PTPRD: variants seen among roughly 807,000 people sequenced by gnomAD.
PTPRD encodes the protein protein tyrosine phosphatase receptor type D, also known as receptor-type tyrosine-protein phosphatase delta.
Under a neutral mutation model 214.5 loss-of-function variants are expected in PTPRD, and 34 were observed. The observed-to-expected ratio is 0.16, with a 90% CI of 0.12 to 0.21. PTPRD has a LOEUF of 0.21. Ranked by LOEUF, PTPRD falls within the 10% of genes least tolerant of loss-of-function variation. The probability of loss-of-function intolerance (pLI) is 1.00; values close to 1 mark genes in which losing one functional copy is unlikely to be tolerated. For synonymous variants in PTPRD, 1,128 were observed against 845.7 expected (o/e 1.33, Z -5.79); for missense variants, 2,545 against 2,398.7 (o/e 1.06, Z -1.27).
chr9:9,235,892 A>C (rs183831897), intron 9 of PTPRD, among the ~76,000 whole-genome samples: 1 of 152,148 alleles, frequency 6.6e-6, no homozygotes, highest in Non-Finnish European at 1.5e-5. Context: ...GATATTCTAA[A>C]CATGGAAAGT....
At chr9:10,566,690 C>T (rs561238642) in intron 2 of PTPRD, among the ~76,000 whole-genome samples, 3 of 152,058 alleles carry the variant, frequency 2.0e-5, no homozygotes, top group African/African-American at 4.8e-5. Flanking sequence ...AGTTTTAATG[C>T]AACTGAAGTC....
chr9:9,747,532 C>CT (rs1564945514), intron 6 of PTPRD, among the ~76,000 whole-genome samples: 1 of 104,576 alleles, frequency 9.6e-6, no homozygotes. Flanking sequence ...GTGACTGAAT[C>CT]TTTTTTGTTT....
At position 8,376,576 on chromosome 9, in the gene PTPRD, G is replaced by A. The variant is rs141471413; in HGVS notation, c.4506+31C>T. 1.5e-5 allele frequency: 24 copies of A among 1,611,820 alleles called. No individual in the cohort carries two copies. In the African/African-American group the frequency reaches 3.1e-4, roughly 21 times the overall value. On this transcript the variant is annotated intron_variant, in intron 38 of 45. Transcript: ENST00000381196. ...AGCTTTCTTTAAACAATAGAGAAGG[G>A]AAAGGGAGGAGAAAAAGATGAAAAG...
intron 43 of PTPRD, among the ~76,000 whole-genome samples, chr9:8,332,399 C>CA (rs1207491428): frequency 5.3e-5 from 8 of 152,230 alleles, no homozygotes; most frequent in African/African-American, 1.9e-4. Context: ...TATGACTGTG[C>CA]TGTTAAGTGG....
At chr9:9,907,524 G>C (rs1198333664) in intron 5 of PTPRD, among the ~76,000 whole-genome samples, 1 of 151,888 alleles carries the variant, frequency 6.6e-6, no homozygotes, top group African/African-American at 2.4e-5. Flanking sequence ...ACATATCACT[G>C]ATGTCTATTC....
At chr9:9,606,674 T>C (rs999198234) in intron 7 of PTPRD, among the ~76,000 whole-genome samples, 6 of 152,000 alleles carry the variant, frequency 3.9e-5, no homozygotes, top group African/African-American at 1.4e-4. Context: ...CCCTTTATTA[T>C]GTATTTATAC....
intron 9 of PTPRD, among the ~76,000 whole-genome samples, chr9:9,228,473 T>C (rs2099960973): frequency 6.6e-6 from 1 of 152,136 alleles, no homozygotes; most frequent in Non-Finnish European, 1.5e-5. Flanking sequence ...TATATGTTGA[T>C]ATATACAGTA....
intron 2 of PTPRD, among the ~76,000 whole-genome samples, chr9:10,552,795 C>G (rs1283068264): frequency 2.6e-5 from 4 of 152,100 alleles, no homozygotes; most frequent in Non-Finnish European, 5.9e-5. Context: ...ATTGGATAAG[C>G]AACAGGATCT....
chr9:8,317,575 T>A lies in PTPRD; in HGVS notation c.*299A>T. ...AAGCAATCCTGAATAAGATGGTGGT[T>A]CTTTGCTGTGATTTCTTCTTCCCTT... On this transcript the variant is annotated 3_prime_UTR_variant, in exon 46 of 46. Transcript: ENST00000381196. The A allele has an allele frequency of 3.1e-6, 1 of 322,346 alleles. No homozygotes were observed. Among genetic ancestry groups the A allele is most frequent in the Non-Finnish European group, 5.9e-6 (1 of 168,478 alleles). 20.0% of individuals were successfully genotyped at this position (322,346 alleles called of 1,614,324 possible). A position where few individuals can be genotyped will look rare whatever the true frequency, so the allele number is the denominator to read the frequency against.
At chr9:10,450,920 C>T (rs942901335) in intron 2 of PTPRD, among the ~76,000 whole-genome samples, 2 of 151,892 alleles carry the variant, frequency 1.3e-5, no homozygotes, top group African/African-American at 2.4e-5. Context: ...ATTCTTAACA[C>T]ATTTGATTTA....
At chr9:8,924,095 C>A (rs1327219813) in intron 11 of PTPRD, among the ~76,000 whole-genome samples, 1 of 140,028 alleles carries the variant, frequency 7.1e-6, no homozygotes, top group Non-Finnish European at 1.5e-5. Flanking sequence ...TATTTGTCTT[C>A]ATAAGGCGCA....
chr9:9,890,430 C>G (rs1198289369), intron 5 of PTPRD, among the ~76,000 whole-genome samples: 1 of 152,000 alleles, frequency 6.6e-6, no homozygotes, highest in African/African-American at 2.4e-5. Flanking sequence ...AACTCCTAGA[C>G]TCAAGCAATC....
intron 3 of PTPRD, among the ~76,000 whole-genome samples, chr9:10,331,206 C>T (rs998498352): frequency 4.6e-5 from 7 of 151,816 alleles, no homozygotes; most frequent in South Asian, 2.1e-4. Flanking sequence ...TACTGCCTAA[C>T]GCAGATACTG....
chr9:10,045,177 T>C (rs2097366167), intron 3 of PTPRD, among the ~76,000 whole-genome samples: 1 of 151,850 alleles, frequency 6.6e-6, no homozygotes, highest in South Asian at 2.1e-4. Flanking sequence ...AAAATATCTA[T>C]TTTAACTTTT....
intron 2 of PTPRD, among the ~76,000 whole-genome samples, chr9:10,469,945 A>G (rs1027527798): frequency 7.8e-6 from 1 of 128,386 alleles, no homozygotes; most frequent in Non-Finnish European, 1.5e-5. Context: ...GTGAGAGCTG[A>G]AAAAAAAAAA....
chr9:9,304,715 T>C (rs965404863), intron 9 of PTPRD, among the ~76,000 whole-genome samples: 1 of 151,286 alleles, frequency 6.6e-6, no homozygotes, highest in Non-Finnish European at 1.5e-5. Context: ...ATATAATCTC[T>C]AGATTTTATA....
intron 4 of PTPRD, among the ~76,000 whole-genome samples, chr9:9,968,822 G>C (rs1326221191): frequency 1.3e-5 from 2 of 152,094 alleles, no homozygotes; most frequent in African/African-American, 2.4e-5. Flanking sequence ...AACGAGAAAG[G>C]AAAGAAAACT....
intron 11 of PTPRD, chr9:8,861,195 G>C (rs1358810470): frequency 6.6e-6 from 1 of 152,146 alleles, no homozygotes; most frequent in African/African-American, 2.4e-5. Flanking sequence ...CATTTATCAT[G>C]AGGCATCCTA....
intron 9 of PTPRD, among the ~76,000 whole-genome samples, chr9:9,344,751 T>C (rs1477619002): frequency 1.3e-5 from 2 of 152,028 alleles, no homozygotes; most frequent in Non-Finnish European, 2.9e-5. Context: ...TGAATATATT[T>C]AATATTTTTT....
Sources: gnomAD v4.1 joint callset for allele counts (sites outside exome capture counted in the v4.1 genomes callset) on GRCh38, gnomAD v4.1.1 for gene constraint, MANE v1.5 for transcripts, NCBI Gene and HGNC (gene_info 2026-07-23, HGNC 2026-07-21) for gene names.